KCNAB1: variants seen among roughly 807,000 people sequenced by gnomAD.
KCNAB1 encodes the protein potassium voltage-gated channel subfamily A regulatory beta subunit 1.
A neutral mutation model predicts 64.6 loss-of-function variants in KCNAB1; 35 were observed. The ratio of observed to expected loss-of-function variants is 0.54; its 90% confidence interval spans 0.41 to 0.72. KCNAB1 has a LOEUF of 0.72. Among genes scored for constraint, KCNAB1 ranks in the 30% least tolerant of loss-of-function variants. KCNAB1 has a pLI of 0.00. For missense variants in KCNAB1, 401 were observed against 512.9 expected (o/e 0.78, Z 2.11); for synonymous variants, 177 against 183.8 (o/e 0.96, Z 0.30).
chr3:156,253,879 C>T (rs1050858666), intron 1 of KCNAB1, among the ~76,000 whole-genome samples: 2 of 152,188 alleles, frequency 1.3e-5, no homozygotes, highest in African/African-American at 4.8e-5. Context: ...AACCATCGGT[C>T]TAAACCAAAC....
chr3:156,427,907 C>T (rs114782976), intron 2 of KCNAB1, among the ~76,000 whole-genome samples: 25 of 152,226 alleles, frequency 1.6e-4, no homozygotes, highest in African/African-American at 5.3e-4. Flanking sequence ...AGCAGTAGGC[C>T]GGTCTGATTC....
intron 1 of KCNAB1, among the ~76,000 whole-genome samples, chr3:156,249,041 AT>A (rs1717646511): frequency 6.6e-6 from 1 of 150,568 alleles, no homozygotes; most frequent in Non-Finnish European, 1.5e-5. Context: ...TTTTTTTTTA[AT>A]TTTTTAATTT....
chr3:156,167,462 T>C (rs1711657790), intron 1 of KCNAB1, among the ~76,000 whole-genome samples: 1 of 152,200 alleles, frequency 6.6e-6, no homozygotes, highest in Non-Finnish European at 1.5e-5. Flanking sequence ...AGTGCTACTG[T>C]TTTAAGCAAG....
At chr3:156,524,744 C>G (rs1341565776) in intron 12 of KCNAB1, among the ~76,000 whole-genome samples, 3 of 59,228 alleles carry the variant, frequency 5.1e-5, no homozygotes, top group African/African-American at 2.5e-4. Context: ...AAGACTCCAT[C>G]TCAAAAAAAA....
chr3:156,302,236 G>A (rs1233185746), intron 1 of KCNAB1, among the ~76,000 whole-genome samples: 2 of 151,986 alleles, frequency 1.3e-5, no homozygotes, highest in Non-Finnish European at 2.9e-5. Flanking sequence ...ATAACATCGA[G>A]CCCACCTAGG....
At chr3:156,377,971 G>A (rs1328502947) in intron 1 of KCNAB1, among the ~76,000 whole-genome samples, 2 of 152,084 alleles carry the variant, frequency 1.3e-5, no homozygotes, top group Non-Finnish European at 2.9e-5. Flanking sequence ...TCTCCGGGGA[G>A]GTGCTATGGA....
intron 1 of KCNAB1, among the ~76,000 whole-genome samples, chr3:156,324,736 C>T (rs1420090871): frequency 2.6e-5 from 4 of 152,070 alleles, no homozygotes; most frequent in Non-Finnish European, 5.9e-5. Context: ...CAATATCACT[C>T]ATTCACTCAA....
chr3:156,251,672 C>T (rs990776347), intron 1 of KCNAB1, among the ~76,000 whole-genome samples: 2 of 151,976 alleles, frequency 1.3e-5, no homozygotes, highest in Non-Finnish European at 2.9e-5. Context: ...AAGGAGATTC[C>T]CACTCATTCA....
Position 156,357,159 on chromosome 3 carries a change from G to GCGCACACACACACACACACACA in KCNAB1, c.276-64456_276-64455insGCACACACACACACACACACAC, listed in dbSNP as rs545909634. Among the ~76,000 whole-genome samples the GCGCACACACACACACACACACA allele has an allele frequency of 4.9e-3, 727 of 147,386 alleles. 6 individuals carry two copies. The highest frequency in any genetic ancestry group is 0.017 in the African/African-American group (687 of 40,502). The stretch of plus-strand genomic sequence containing the variant: ...CACATACACAAACACACATGTGCGC[G>GCGCACACACACACACACACACA]CACACACACACACACACACACACAC... On this transcript the variant is annotated intron_variant, in intron 1 of 13. Transcript: ENST00000490337.
chr3:156,468,304 A>G (rs1299412717), intron 7 of KCNAB1, among the ~76,000 whole-genome samples: 5 of 152,136 alleles, frequency 3.3e-5, no homozygotes, highest in Admixed American at 3.3e-4. Flanking sequence ...GAATGTATAT[A>G]TATGTATTCT....
At chr3:156,497,679 G>T (rs981481817) in intron 8 of KCNAB1, among the ~76,000 whole-genome samples, 5 of 152,156 alleles carry the variant, frequency 3.3e-5, no homozygotes, top group African/African-American at 1.2e-4. Flanking sequence ...ATGCTTCCAA[G>T]TATAAAAATA....
intron 1 of KCNAB1, among the ~76,000 whole-genome samples, chr3:156,244,159 T>C (rs1174056836): frequency 6.6e-6 from 1 of 152,220 alleles, no homozygotes; most frequent in Non-Finnish European, 1.5e-5. Flanking sequence ...GTTCTGGAGC[T>C]CAGTAGTCTA....
intron 1 of KCNAB1, among the ~76,000 whole-genome samples, chr3:156,327,407 TATTA>T (rs2108037414): frequency 6.6e-6 from 1 of 152,300 alleles, no homozygotes; most frequent in South Asian, 2.1e-4. Flanking sequence ...GATCAGGATA[TATTA>T]ATTTCTATAT....
intron 1 of KCNAB1, among the ~76,000 whole-genome samples, chr3:156,191,479 C>A (rs1379675213): frequency 1.3e-5 from 2 of 152,212 alleles, no homozygotes; most frequent in Non-Finnish European, 2.9e-5. Flanking sequence ...GTTCTTCAAA[C>A]TGGCTATTCC....
chr3:156,137,743 A>G (rs1489842837), intron 1 of KCNAB1, among the ~76,000 whole-genome samples: 1 of 147,814 alleles, frequency 6.8e-6, no homozygotes, highest in East Asian at 2.0e-4. Context: ...TTTAGTAGAG[A>G]CGAGGTTTCA....
At chr3:156,514,980 C>G in intron 9 of KCNAB1, 120 bp from the exon 10 acceptor site, 1 of 973,916 alleles carries the variant, frequency 1.0e-6, no homozygotes, top group Non-Finnish European at 1.4e-6. Flanking sequence ...TATTTGGCAT[C>G]CTACATGTTT....
chr3:156,398,472 T>G (rs778964219), intron 1 of KCNAB1, among the ~76,000 whole-genome samples: 12 of 151,602 alleles, frequency 7.9e-5, no homozygotes, highest in East Asian at 1.9e-4. Flanking sequence ...GGTGCCTGTA[T>G]TCCCAGCTAC....
intron 1 of KCNAB1, among the ~76,000 whole-genome samples, chr3:156,189,971 T>C (rs1713456325): frequency 6.6e-6 from 1 of 152,188 alleles, no homozygotes; most frequent in African/African-American, 2.4e-5. Context: ...TTTGGCCAAA[T>C]ATTAAACCAA....
At chr3:156,203,102 A>G (rs1202946432) in intron 1 of KCNAB1, among the ~76,000 whole-genome samples, 1 of 152,270 alleles carries the variant, frequency 6.6e-6, no homozygotes, top group Non-Finnish European at 1.5e-5. Flanking sequence ...TTGGTAAACT[A>G]TGGTATGACC....
Sources: gnomAD v4.1 joint callset for allele counts (sites outside exome capture counted in the v4.1 genomes callset) on GRCh38, gnomAD v4.1.1 for gene constraint, MANE v1.5 for transcripts, NCBI Gene and HGNC (gene_info 2026-07-23, HGNC 2026-07-21) for gene names.